NEK10: variants seen among roughly 807,000 people sequenced by gnomAD.
The protein encoded by NEK10 is NIMA related kinase 10, also known as serine/threonine-protein kinase Nek10.
Under a neutral mutation model 159.8 loss-of-function variants are expected in NEK10, and 122 were observed. That is an observed-to-expected ratio of 0.76 (90% CI 0.66 to 0.89). The LOEUF (loss-of-function observed/expected upper bound fraction) is 0.89. Among genes scored for constraint, NEK10 ranks in the 40% least tolerant of loss-of-function variants. NEK10 has a pLI of 0.00. For missense variants in NEK10, 1,342 were observed against 1,323.1 expected (o/e 1.01, Z -0.22); for synonymous variants, 466 against 457.1 (o/e 1.02, Z -0.25).
chr3:27,122,658 C>T (rs763109283), intron 32 of NEK10, among the ~76,000 whole-genome samples: 2 of 151,980 alleles, frequency 1.3e-5, no homozygotes, highest in Admixed American at 6.6e-5. Context: ...TATGGTTTAG[C>T]GTAGGAGTAA....
chr3:27,141,625 A>G (rs1345121254), intron 30 of NEK10, 43 bp from the exon 31 acceptor site: 2 of 1,447,128 alleles, frequency 1.4e-6, no homozygotes, highest in Admixed American at 1.8e-5. Context: ...TCTCTTTCAA[A>G]AGTTACATTA....
At chr3:27,241,192 T>G (rs1954524395) in intron 23 of NEK10, among the ~76,000 whole-genome samples, 1 of 152,014 alleles carries the variant, frequency 6.6e-6, no homozygotes, top group African/African-American at 2.4e-5. Context: ...TCAGAGAGCA[T>G]GGGGGGAAAA....
At chr3:27,174,570 C>T in intron 27 of NEK10, 45 bp from the exon 28 acceptor site, 1 of 1,601,836 alleles carries the variant, frequency 6.2e-7, no homozygotes, top group South Asian at 1.1e-5. Flanking sequence ...AGTCTTGAAA[C>T]AGGAAGGAGT....
chr3:27,265,405 C>T (rs778524319), intron 22 of NEK10, among the ~76,000 whole-genome samples: 5 of 152,198 alleles, frequency 3.3e-5, no homozygotes, highest in Non-Finnish European at 5.9e-5. Context: ...GAAATTTGAG[C>T]GTTCCAGTTG....
intron 29 of NEK10, among the ~76,000 whole-genome samples, chr3:27,163,827 T>C (rs1167132512): frequency 6.6e-6 from 1 of 152,206 alleles, no homozygotes; most frequent in Non-Finnish European, 1.5e-5. Flanking sequence ...GGAATTCAAA[T>C]ACAAGTAAAC....
At chr3:27,252,598 C>T (rs1027521186) in intron 23 of NEK10, among the ~76,000 whole-genome samples, 2 of 152,144 alleles carry the variant, frequency 1.3e-5, no homozygotes, top group African/African-American at 4.8e-5. Flanking sequence ...ATCATAATTG[C>T]TTATCACAAA....
intron 35 of NEK10, among the ~76,000 whole-genome samples, chr3:27,114,666 T>C (rs1300400742): frequency 1.3e-5 from 2 of 152,218 alleles, no homozygotes; most frequent in South Asian, 2.1e-4. Context: ...CCGTTGTTAC[T>C]AGTCATCTTT....
intron 30 of NEK10, among the ~76,000 whole-genome samples, chr3:27,147,523 C>G (rs911864696): frequency 6.6e-6 from 1 of 152,212 alleles, no homozygotes; most frequent in Admixed American, 6.5e-5. Context: ...CAACAAACTT[C>G]CTTTCATTTG....
rs1939426401 is a variant in NEK10 at position 27,110,764 on chromosome 3, T to A, written c.*508A>T. On this transcript the variant is annotated 3_prime_UTR_variant, in exon 36 of 36. Transcript: ENST00000691995. Reference sequence around the variant, plus strand: ...TTTAATCACGTATTTTGAATTTCTTTAAATGTAAAAATGGAGGATACAGTG... The same window carrying A: ...TTTAATCACGTATTTTGAATTTCTTAAAATGTAAAAATGGAGGATACAGTG... 1 of 152,638 alleles carries A rather than the reference T, an allele frequency of 6.6e-6. No individual in the cohort carries two copies. Among genetic ancestry groups the A allele is most frequent in the African/African-American group, 2.4e-5 (1 of 41,444 alleles). 9.5% of individuals were successfully genotyped at this position (152,638 alleles called of 1,614,324 possible).
Position 27,301,770 on chromosome 3 carries a change from C to A in NEK10, c.1094G>T (p.Arg365Leu). 6.4e-7 allele frequency: 1 copy of A among 1,561,778 alleles called. No homozygotes were observed. The highest frequency in any genetic ancestry group is 1.9e-5 in the Admixed American group (1 of 53,144). ...TTCTGATAAATGAAGCTGCTGGATTCGGCCTGCAGCATTTGCACTGGACAG... is the reference window on the plus strand; with the variant it reads ...TTCTGATAAATGAAGCTGCTGGATTAGGCCTGCAGCATTTGCACTGGACAG... ...GSLSSANAAG[R>L]IQQLHLSEDL... The change falls in exon 13 of 36, where the codon CGA (arginine) becomes CTA (leucine). Residue 365 changes from arginine (R) to leucine (L), a missense_variant. Coordinates refer to ENST00000691995, the MANE Select transcript of NEK10 (RefSeq NM_001394966.1).
chr3:27,337,227 T>C (rs1296146371), intron 5 of NEK10, among the ~76,000 whole-genome samples: 4 of 151,812 alleles, frequency 2.6e-5, no homozygotes, highest in African/African-American at 9.7e-5. Context: ...TTCCGATAGC[T>C]ACCAAAAAAA....
chr3:27,284,553 T>C, intron 22 of NEK10, 49 bp downstream of exon 22: 2 of 1,025,718 alleles, frequency 1.9e-6, no homozygotes, highest in South Asian at 1.3e-5. Context: ...TACTCTAGGA[T>C]AGTATTCAGG....
intron 23 of NEK10, among the ~76,000 whole-genome samples, chr3:27,244,342 G>T (rs1954850546): frequency 6.6e-6 from 1 of 152,190 alleles, no homozygotes; most frequent in Admixed American, 6.5e-5. Flanking sequence ...TATTCTACTA[G>T]TTGCCCAGTC....
chr3:27,271,297 A>G (rs1239354753), intron 22 of NEK10, among the ~76,000 whole-genome samples: 1 of 152,132 alleles, frequency 6.6e-6, no homozygotes, highest in African/African-American at 2.4e-5. Context: ...ACTATTCACA[A>G]ACTAGATGGC....
At chr3:27,314,133 C>T (rs924219249) in intron 7 of NEK10, among the ~76,000 whole-genome samples, 164 bp downstream of exon 7, 2 of 152,200 alleles carry the variant, frequency 1.3e-5, no homozygotes, top group Non-Finnish European at 2.9e-5. Context: ...CCTCCCTGCT[C>T]TGTGAGTATC....
At chr3:27,358,989 G>A (rs1393145044) in intron 1 of NEK10, among the ~76,000 whole-genome samples, 4 of 152,116 alleles carry the variant, frequency 2.6e-5, no homozygotes, top group Non-Finnish European at 4.4e-5. Context: ...CAGATCACCC[G>A]AGGTCAGTTC....
In NEK10 at chr3:27,109,278, C is replaced by T. The variant is rs1417350907; in HGVS notation, c.*1994G>A. 2.0e-5 allele frequency among the ~76,000 whole-genome samples: 3 copies of T among 150,542 alleles called. No individual in the cohort carries two copies. Among genetic ancestry groups the T allele is most frequent in the Non-Finnish European group, 4.4e-5 (3 of 67,844 alleles). ...CCTGTAATCCCAGTTACTCGGGAGG[C>T]TGAGGCAGGAGAATTGCTTGAACCT... is the stretch of plus-strand genomic sequence containing the variant. On this transcript the variant is annotated 3_prime_UTR_variant, in exon 36 of 36. Coordinates refer to ENST00000691995, the MANE Select transcript of NEK10 (RefSeq NM_001394966.1).
At chr3:27,147,649 A>T (rs1944431180) in intron 30 of NEK10, among the ~76,000 whole-genome samples, 1 of 152,010 alleles carries the variant, frequency 6.6e-6, no homozygotes, top group Admixed American at 6.6e-5. Context: ...CATAATGGGT[A>T]ATGTCACAGT....
intron 23 of NEK10, among the ~76,000 whole-genome samples, chr3:27,231,383 A>G (rs1430676732): frequency 6.6e-6 from 1 of 152,064 alleles, no homozygotes; most frequent in Non-Finnish European, 1.5e-5. Context: ...TTAAATGCCT[A>G]TATCAAAAAG....
Sources: gnomAD v4.1 joint callset for allele counts (sites outside exome capture counted in the v4.1 genomes callset) on GRCh38, gnomAD v4.1.1 for gene constraint, MANE v1.5 for transcripts, NCBI Gene and HGNC (gene_info 2026-07-23, HGNC 2026-07-21) for gene names.